The following HMCN1 variants were observed in gnomAD, a reference collection of about 807,000 sequenced individuals.
HMCN1 encodes hemicentin 1, also known as hemicentin-1.
A neutral mutation model predicts 625.9 loss-of-function variants in HMCN1; 321 were observed. The ratio of observed to expected loss-of-function variants is 0.51; its 90% confidence interval spans 0.47 to 0.56. The LOEUF (loss-of-function observed/expected upper bound fraction) is 0.56. Among genes scored for constraint, HMCN1 ranks in the 20% least tolerant of loss-of-function variants. The pLI, the probability that HMCN1 is intolerant of heterozygous loss-of-function variation, is 0.00. For missense variants in HMCN1, 6,588 were observed against 6,887.3 expected (o/e 0.96, Z 1.54); for synonymous variants, 2,425 against 2,417.6 (o/e 1.00, Z -0.09).
chr1:186,190,680 T>C lies in HMCN1; in HGVS notation c.*802T>C, dbSNP rs556446998. On this transcript the variant is annotated 3_prime_UTR_variant, in exon 107 of 107. Transcript: ENST00000271588. ...TTATTTTCCTGTCAATGAAAGCAAT[T>C]TTTAAAGATACCAGTGGGACAGATT... 5.2e-6 allele frequency: 1 copy of C among 193,656 alleles called. No homozygotes were observed. The highest frequency in any genetic ancestry group is 1.9e-4 in the South Asian group (1 of 5,216). The allele number at this position is 193,656 out of a possible 1,614,324, so 12.0% of individuals were successfully genotyped here. A position where few individuals can be genotyped will look rare whatever the true frequency, so the allele number is the denominator to read the frequency against.
In HMCN1 at chr1:186,153,803, AACCCGGCTGTTC is replaced by A; in HGVS notation, c.15076_15087del (p.Arg5026_Thr5029del). 6.2e-7 allele frequency: 1 copy of A among 1,614,214 alleles called. No individual in the cohort carries two copies. Among genetic ancestry groups the A allele is most frequent in the Non-Finnish European group, 8.5e-7 (1 of 1,180,028 alleles). ...GTCCTGGGCAGCTGTACGCCTACTCAACCCGGCTGTTCACCATTGATGGCATCAGCATCCCAT... is the reference window on the plus strand; with the variant it reads ...GTCCTGGGCAGCTGTACGCCTACTCAACCATTGATGGCATCAGCATCCCAT... On this transcript the variant is annotated inframe_deletion, in exon 97 of 107. Coordinates refer to ENST00000271588, the MANE Select transcript of HMCN1 (RefSeq NM_031935.3).
intron 80 of HMCN1, among the ~76,000 whole-genome samples, chr1:186,121,379 T>G (rs1185313000): frequency 1.3e-5 from 2 of 152,010 alleles, no homozygotes; most frequent in African/African-American, 4.8e-5. Context: ...AGGACTGGAG[T>G]TGTAGTGTGT....
intron 1 of HMCN1, among the ~76,000 whole-genome samples, chr1:185,819,677 TA>T (rs1332957818): frequency 2.6e-5 from 4 of 152,186 alleles, no homozygotes. Context: ...ATATTTTACT[TA>T]AAAAAGTCAT....
intron 4 of HMCN1, among the ~76,000 whole-genome samples, chr1:185,883,437 T>A (rs1374252902): frequency 1.3e-5 from 2 of 152,086 alleles, no homozygotes; most frequent in East Asian, 3.8e-4. Flanking sequence ...TTCAGGCTGT[T>A]GACAACTGAT....
chr1:185,987,478 A>G lies in HMCN1; in HGVS notation c.2982A>G (p.Glu994=). 6.2e-7 allele frequency: 1 copy of G among 1,613,988 alleles called. No homozygotes were observed. ...QHGQQILSTI[E]GIPVTLPCKA... Reference sequence around the variant, plus strand: ...GGCAGCAGATACTCAGTACAATTGAAGGCATTCCAGTAACTTTACCATGCA... The same window carrying G: ...GGCAGCAGATACTCAGTACAATTGAGGGCATTCCAGTAACTTTACCATGCA... The change falls in exon 20 of 107, where the codon GAA becomes GAG. Residue 994 remains glutamate (E), a synonymous_variant. Transcript: ENST00000271588.
At chr1:186,028,760 T>C (rs1447553929) in intron 36 of HMCN1, among the ~76,000 whole-genome samples, 1 of 148,056 alleles carries the variant, frequency 6.8e-6, no homozygotes, top group African/African-American at 2.5e-5. Context: ...AGTCTCGCAC[T>C]GTTGCCTGGG....
chr1:186,137,749 A>G (rs1419970663), intron 88 of HMCN1, 53 bp from the exon 89 acceptor site: 3 of 1,613,712 alleles, frequency 1.9e-6, no homozygotes, highest in Non-Finnish European at 2.5e-6. Context: ...GCCCCAGTGT[A>G]AGTATTCCCA....
chr1:186,018,409 A>G (rs1654503881), intron 34 of HMCN1, 57 bp downstream of exon 34: 1 of 1,423,600 alleles, frequency 7.0e-7, no homozygotes, highest in Admixed American at 1.7e-5. Flanking sequence ...GCATTGTTTT[A>G]TTATCTAACT....
At position 186,016,106 on chromosome 1, in the gene HMCN1, C is replaced by T. The variant is rs778246177; in HGVS notation, c.5058C>T (p.Asp1686=). ...LKDGVPVKAN[D]NIRIEAGGKK... Reference sequence around the variant, plus strand: ...ATGGTGTACCTGTGAAAGCTAATGACAATATCCGCATAGAAGCTGGTGGGA... The same window carrying T: ...ATGGTGTACCTGTGAAAGCTAATGATAATATCCGCATAGAAGCTGGTGGGA... Residue 1686 remains aspartate, a synonymous_variant, in exon 32 of 107, where the codon GAC becomes GAT. Transcript: ENST00000271588. 2 of 1,613,460 alleles carry T rather than the reference C, an allele frequency of 1.2e-6. No homozygotes were observed. Among genetic ancestry groups the T allele is most frequent in the Admixed American group, 1.7e-5 (1 of 59,926 alleles).
Position 185,860,867 on chromosome 1 carries a change from T to C in HMCN1, c.340-3603T>C, listed in dbSNP as rs191766348. Among the ~76,000 whole-genome samples the C allele has an allele frequency of 3.4e-3, 515 of 152,270 alleles. 5 individuals are homozygous for C. Among genetic ancestry groups the C allele is most frequent in the African/African-American group, 9.2e-3 (382 of 41,560 alleles). ...ATGTTTCACAAAGTGGCTTTTTTTT[T>C]CCAGGAAAATAAGGTGGTTCTAATA... On this transcript the variant is annotated intron_variant, in intron 2 of 106. Transcript: ENST00000271588.
chr1:186,145,311 C>CCT (rs1558257535), intron 91 of HMCN1, 92 bp from the exon 92 acceptor site: 20 of 1,310,970 alleles, frequency 1.5e-5, no homozygotes, highest in Non-Finnish European at 5.2e-6. Flanking sequence ...TGAGAAGAGA[C>CCT]TTTTTTTTTA....
Position 186,057,279 on chromosome 1 carries a change from G to C in HMCN1, c.7190G>C (p.Ser2397Thr). Residue 2397 changes from serine to threonine, a missense_variant, in exon 46 of 107, where the codon AGT becomes ACT. Coordinates refer to ENST00000271588, the MANE Select transcript of HMCN1 (RefSeq NM_031935.3). Reference sequence around the variant, plus strand: ...AACCACAGGTCACCTGAAAATATTAGTGTGGTAGAAAAGAACTCAGTATCT... The same window carrying C: ...AACCACAGGTCACCTGAAAATATTACTGTGGTAGAAAAGAACTCAGTATCT... ...IGNHRSPENI[S>T]VVEKNSVSLT... 6.2e-7 allele frequency: 1 copy of C among 1,611,490 alleles called. No homozygotes were observed. Among genetic ancestry groups the C allele is most frequent in the Non-Finnish European group, 8.5e-7 (1 of 1,178,102 alleles).
chr1:186,099,711 T>C (rs937440839), intron 68 of HMCN1, among the ~76,000 whole-genome samples: 16 of 151,966 alleles, frequency 1.1e-4, no homozygotes, highest in African/African-American at 3.9e-4. Flanking sequence ...CCCTGAAGAG[T>C]AGGACTGTAG....
intron 11 of HMCN1, among the ~76,000 whole-genome samples, chr1:185,954,180 G>A (rs1410715434): frequency 6.6e-6 from 1 of 152,076 alleles, no homozygotes; most frequent in Non-Finnish European, 1.5e-5. Flanking sequence ...AAGTCACAGG[G>A]GATGCGATGG....
intron 1 of HMCN1, among the ~76,000 whole-genome samples, chr1:185,838,115 T>C (rs1176375201): frequency 1.3e-5 from 2 of 152,078 alleles, no homozygotes; most frequent in Non-Finnish European, 2.9e-5. Context: ...CCTCACGATA[T>C]AGGTTGTGCT....
intron 25 of HMCN1, among the ~76,000 whole-genome samples, chr1:185,997,810 C>CT (rs71691991): frequency 0.085 from 12,101 of 142,198 alleles, 908 homozygotes; most frequent in African/African-American, 0.2. Context: ...TTATTTCATT[C>CT]TTTTTTTTTT....
intron 36 of HMCN1, among the ~76,000 whole-genome samples, chr1:186,024,273 T>C (rs1431859570): frequency 6.6e-6 from 1 of 152,192 alleles, no homozygotes; most frequent in African/African-American, 2.4e-5. Flanking sequence ...CCTGCTCTAC[T>C]GTAAGGTGCC....
chr1:186,065,441 C>A lies in HMCN1; in HGVS notation c.7705+12C>A, dbSNP rs1285248326. The A allele has an allele frequency of 1.9e-6, 3 of 1,563,684 alleles. No homozygotes were observed. The Admixed American group carries it at 5.7e-5, about 30-fold the overall frequency. On this transcript the variant is annotated intron_variant, in intron 49 of 106. Coordinates refer to ENST00000271588, the MANE Select transcript of HMCN1 (RefSeq NM_031935.3). Reference sequence around the variant, plus strand: ...TCTTAATGTATTTGGTAGGTGTGGGCTTTTCTTCATATCTTAAAGAATCTG... The same window carrying A: ...TCTTAATGTATTTGGTAGGTGTGGGATTTTCTTCATATCTTAAAGAATCTG...
At chr1:185,781,786 A>T (rs1657132819) in intron 1 of HMCN1, among the ~76,000 whole-genome samples, 2 of 152,170 alleles carry the variant, frequency 1.3e-5, no homozygotes, top group Non-Finnish European at 2.9e-5. Context: ...TCAATTTTGG[A>T]ATAAGTGCGA....
Sources: allele counts gnomAD v4.1 joint callset (sites outside exome capture counted in the v4.1 genomes callset), GRCh38; gene constraint gnomAD v4.1.1; transcripts MANE v1.5; gene names NCBI Gene and HGNC (gene_info 2026-07-23, HGNC 2026-07-21).